Variants in CARNMT1 observed in about 807,000 individuals in gnomAD.
CARNMT1 encodes the protein carnosine N-methyltransferase 1, also known as protein-L-histidine N-pros-methyltransferase CARNMT1.
Under a neutral mutation model 49.6 loss-of-function variants are expected in CARNMT1, and 28 were observed. The ratio of observed to expected loss-of-function variants is 0.56; its 90% confidence interval spans 0.42 to 0.77. The LOEUF (loss-of-function observed/expected upper bound fraction) is 0.77, where lower values mean the gene tolerates loss of function less well. Among genes scored for constraint, CARNMT1 ranks in the 30% least tolerant of loss-of-function variants. The pLI is 0.00. For missense variants in CARNMT1, 421 were observed against 512.6 expected (o/e 0.82, Z 1.73); for synonymous variants, 178 against 175.0 (o/e 1.02, Z -0.13).
At chr9:75,019,772 T>TA (rs1833944056) in intron 1 of CARNMT1, among the ~76,000 whole-genome samples, 2 of 152,208 alleles carry the variant, frequency 1.3e-5, no homozygotes, top group South Asian at 4.1e-4. Flanking sequence ...TTCCTGTATC[T>TA]AAAATGTATA....
rs1045713101 is a variant in CARNMT1, at chr9:75,013,054, G to A, written c.590+3214C>T. Among the ~76,000 whole-genome samples, 7 of 152,140 alleles carry A rather than the reference G, an allele frequency of 4.6e-5. 1 individual carries two copies. The highest frequency in any genetic ancestry group is 4.2e-4 in the South Asian group (2 of 4,818). On this transcript the variant is annotated intron_variant, in intron 3 of 7. Coordinates refer to ENST00000376834, the MANE Select transcript of CARNMT1 (RefSeq NM_152420.3). ...TTTCCTCAAAACTTGGTGGACTGTC[G>A]GGGAAAGGGCCCCACAATTTTTTGT...
rs1832690409 is a variant in CARNMT1 at position 74,981,426 on chromosome 9, C to T, written c.*2341G>A. 1 of 151,934 alleles carries T rather than the reference C, an allele frequency of 6.6e-6. No individual in the cohort carries two copies. Among genetic ancestry groups the T allele is most frequent in the Non-Finnish European group, 1.5e-5 (1 of 67,964 alleles). 9.4% of individuals were successfully genotyped at this position (151,934 alleles called of 1,614,324 possible). The stretch of plus-strand genomic sequence containing the variant: ...GGCTTACATACTTTAGTAGCTAGGA[C>T]TAAAATTAAGAAATACAAAGCTAAA... On this transcript the variant is annotated 3_prime_UTR_variant, in exon 8 of 8. Coordinates refer to ENST00000376834, the MANE Select transcript of CARNMT1 (RefSeq NM_152420.3).
chr9:75,028,297 G>T, upstream of CARNMT1: 3 of 1,334,880 alleles, frequency 2.2e-6, no homozygotes, highest in Non-Finnish European at 2.9e-6. Context: ...CGACAGCGTG[G>T]TGGCGGCTGC....
Position 75,021,267 on chromosome 9 carries a change from TGTATATATACATAGTATATACATA to T in CARNMT1, c.231-3843_231-3820del, listed in dbSNP as rs1050554801. 3.5e-5 allele frequency among the ~76,000 whole-genome samples: 5 copies of T among 142,916 alleles called. No individual in the cohort carries two copies. The South Asian group carries it at 1.1e-3, about 30-fold the overall frequency. The allele number at this position is 142,916 out of a possible 152,430, so 93.8% of individuals were successfully genotyped here. ...ATACATAGTATATACATAGTATATA[TGTATATATACATAGTATATACATA>T]GTATATATACTACTATATACATACC... On this transcript the variant is annotated intron_variant, in intron 1 of 7. Coordinates refer to ENST00000376834, the MANE Select transcript of CARNMT1 (RefSeq NM_152420.3).
chr9:74,987,049 C>T (rs1490386835), intron 6 of CARNMT1, among the ~76,000 whole-genome samples: 1 of 152,184 alleles, frequency 6.6e-6, no homozygotes, highest in Non-Finnish European at 1.5e-5. Context: ...TTATCCCTTA[C>T]AAAGATGTTT....
At position 75,028,047 on chromosome 9, in the gene CARNMT1, G is replaced by A. The variant is rs535328395; in HGVS notation, c.195C>T (p.His65=). The A allele has an allele frequency of 1.9e-6, 3 of 1,578,758 alleles. No homozygotes were observed. The highest frequency in any genetic ancestry group is 1.8e-5 in the Admixed American group (1 of 56,852). ...GGAAGGCATTAATGATCTTCCAGAA[G>A]TGCTCACGCTCAAGCCTCTCCTCCT... The part of the protein sequence containing the change: ...EEEEERLERE[H]FWKIINAFRY... Residue 65 remains histidine (H), a synonymous_variant, in exon 1 of 8, where the codon CAC becomes CAT. Transcript: ENST00000376834.
At chr9:75,010,507 A>C (rs1833655942) in intron 3 of CARNMT1, among the ~76,000 whole-genome samples, 2 of 152,174 alleles carry the variant, frequency 1.3e-5, no homozygotes, top group South Asian at 4.1e-4. Flanking sequence ...GAAATTATCC[A>C]AACTATACTA....
intron 1 of CARNMT1, chr9:75,027,057 G>A (rs1242516724): frequency 1.5e-6 from 2 of 1,303,544 alleles, no homozygotes; most frequent in Admixed American, 2.3e-5. Context: ...GTTTACCTGC[G>A]TAGGAGGTCA....
chr9:75,003,809 A>C (rs1833431167), intron 3 of CARNMT1, among the ~76,000 whole-genome samples: 1 of 152,228 alleles, frequency 6.6e-6, no homozygotes, highest in African/African-American at 2.4e-5. Context: ...GCAGAAATAT[A>C]TATGTAGAAC....
At chr9:75,018,095 CTT>C (rs775497735) in intron 1 of CARNMT1, among the ~76,000 whole-genome samples, 74 of 152,152 alleles carry the variant, frequency 4.9e-4, no homozygotes, top group Admixed American at 7.9e-4. Flanking sequence ...GATTTTCGCT[CTT>C]GTCGCCCAGG....
At chr9:75,012,260 G>A (rs1833710989) in intron 3 of CARNMT1, among the ~76,000 whole-genome samples, 1 of 150,842 alleles carries the variant, frequency 6.6e-6, no homozygotes, top group Non-Finnish European at 1.5e-5. Context: ...AAGAGCCCAG[G>A]TACTGAGGGT....
At chr9:75,005,224 G>A (rs1403071843) in intron 3 of CARNMT1, among the ~76,000 whole-genome samples, 1 of 152,212 alleles carries the variant, frequency 6.6e-6, no homozygotes, top group Admixed American at 6.5e-5. Flanking sequence ...GCTCACTAGA[G>A]TAGTGTTCAA....
chr9:75,028,258 G>C lies in CARNMT1; in HGVS notation c.-17C>G. 2.9e-6 allele frequency: 4 copies of C among 1,361,994 alleles called. No individual in the cohort carries two copies. The highest frequency in any genetic ancestry group is 3.8e-6 in the Non-Finnish European group (4 of 1,061,096). The allele number at this position is 1,361,994 out of a possible 1,614,324, so 84.4% of individuals were successfully genotyped here. On this transcript the variant is annotated 5_prime_UTR_variant, in exon 1 of 8. Transcript: ENST00000376834. ...TCGCTGCATCGCCGCCGCGGCCCTCGGCCTGGCTCGCTTGCGTCTCTCCGC... is the reference window on the plus strand; with the variant it reads ...TCGCTGCATCGCCGCCGCGGCCCTCCGCCTGGCTCGCTTGCGTCTCTCCGC...
Position 75,016,342 on chromosome 9 carries a change from A to T in CARNMT1, c.516T>A (p.Thr172=). ...AACAGGCATCCCTTTCTGCTTTCCC[A>T]GTTTCACTCCAGTCTCTCACAAACT... is the stretch of plus-strand genomic sequence containing the variant. The part of the protein sequence containing the change: ...LKQFVRDWSE[T]GKAERDACYQ... The change falls in exon 3 of 8, where the codon ACT becomes ACA. Residue 172 remains threonine (T), a synonymous_variant. Transcript: ENST00000376834. The T allele has an allele frequency of 6.2e-7, 1 of 1,614,084 alleles. No homozygotes were observed. Among genetic ancestry groups the T allele is most frequent in the East Asian group, 2.2e-5 (1 of 44,868 alleles).
chr9:75,008,262 G>A (rs993035527), intron 3 of CARNMT1, among the ~76,000 whole-genome samples: 16 of 150,500 alleles, frequency 1.1e-4, no homozygotes, highest in South Asian at 4.2e-4. Flanking sequence ...GTCCTGGGCC[G>A]CATGCAGCCC....
In CARNMT1 at chr9:75,007,742, T is replaced by TAA. The variant is rs1195986144; in HGVS notation, c.591-7874_591-7873dup. 6.0e-5 allele frequency among the ~76,000 whole-genome samples: 6 copies of TAA among 100,054 alleles called. 1 individual carries two copies. The highest frequency in any genetic ancestry group is 1.5e-4 in the African/African-American group (4 of 26,280). 65.6% of individuals were successfully genotyped at this position (100,054 alleles called of 152,430 possible). A position where few individuals can be genotyped will look rare whatever the true frequency, so the allele number is the denominator to read the frequency against. On this transcript the variant is annotated intron_variant, in intron 3 of 7. Coordinates refer to ENST00000376834, the MANE Select transcript of CARNMT1 (RefSeq NM_152420.3). ...AGACCCTGTCTCAAAAAAATAAAAA[T>TAA]AATAAAAAAAAAAAAACTAAGAAAA...
intron 3 of CARNMT1, among the ~76,000 whole-genome samples, chr9:75,005,314 C>T (rs747101697): frequency 1.1e-4 from 15 of 142,442 alleles, no homozygotes; most frequent in African/African-American, 1.6e-4. Context: ...AAAAGCAAGT[C>T]GATCTGTGGC....
At chr9:75,004,969 G>GA (rs1346551341) in intron 3 of CARNMT1, among the ~76,000 whole-genome samples, 14 of 152,090 alleles carry the variant, frequency 9.2e-5, no homozygotes, top group Non-Finnish European at 2.1e-4. Context: ...TTCCAGATAG[G>GA]ATGCAAACTT....
chr9:75,002,668 AT>A (rs914889411), intron 3 of CARNMT1, among the ~76,000 whole-genome samples: 7 of 151,972 alleles, frequency 4.6e-5, no homozygotes, highest in Admixed American at 2.0e-4. Flanking sequence ...GTCAAAAAAA[AT>A]TTTTTTTTAA....
Sources: gnomAD v4.1 joint callset for allele counts (sites outside exome capture counted in the v4.1 genomes callset) on GRCh38, gnomAD v4.1.1 for gene constraint, MANE v1.5 for transcripts, NCBI Gene and HGNC (gene_info 2026-07-23, HGNC 2026-07-21) for gene names.